The following ASCC3 variants were observed in gnomAD, a reference collection of about 807,000 sequenced individuals.
The protein encoded by ASCC3 is activating signal cointegrator 1 complex subunit 3.
A neutral mutation model predicts 256.3 loss-of-function variants in ASCC3; 158 were observed. That is an observed-to-expected ratio of 0.62 (90% confidence interval 0.54 to 0.70). ASCC3 has a LOEUF of 0.70. ASCC3 is among the 30% of genes least tolerant of loss of function. The pLI, the probability that ASCC3 is intolerant of heterozygous loss-of-function variation, is 0.00. For missense variants in ASCC3, 2,259 were observed against 2,626.0 expected, an observed-to-expected ratio of 0.86 and a Z score of 3.05; for synonymous variants, 948 against 883.4, an observed-to-expected ratio of 1.07 and a Z score of -1.30.
At chr6:100,588,126 C>A (rs1485312745) in intron 36 of ASCC3, among the ~76,000 whole-genome samples, 1 of 152,030 alleles carries the variant, frequency 6.6e-6, no homozygotes, top group Non-Finnish European at 1.5e-5. Context: ...TCACTTTGGA[C>A]AAGATGGTTA....
chr6:100,718,444 TC>T (rs1354060459), intron 11 of ASCC3, among the ~76,000 whole-genome samples, 193 bp from the exon 12 acceptor site: 1 of 151,972 alleles, frequency 6.6e-6, no homozygotes, highest in Non-Finnish European at 1.5e-5. Context: ...ATAGTAGAAT[TC>T]CATACCCACT....
intron 30 of ASCC3, among the ~76,000 whole-genome samples, chr6:100,623,826 C>G (rs1315166347): frequency 6.6e-6 from 1 of 151,990 alleles, no homozygotes; most frequent in Non-Finnish European, 1.5e-5. Context: ...AAGGATCATA[C>G]TAACAAACTG....
intron 8 of ASCC3, among the ~76,000 whole-genome samples, chr6:100,796,857 TAAAACA>T (rs969689891): frequency 6.6e-5 from 10 of 152,190 alleles, no homozygotes; most frequent in Non-Finnish European, 1.3e-4. Context: ...GTGAATAGTT[TAAAACA>T]AAAACAAAAA....
intron 37 of ASCC3, among the ~76,000 whole-genome samples, chr6:100,523,852 A>G (rs1774426645): frequency 6.6e-6 from 1 of 152,184 alleles, no homozygotes; most frequent in Non-Finnish European, 1.5e-5. Context: ...TACATTTCAT[A>G]TTAAGTAAAT....
chr6:100,581,179 CTACTTTACAGTCCCACCAACAGTG>C, intron 36 of ASCC3, among the ~76,000 whole-genome samples: 1 of 152,308 alleles, frequency 6.6e-6, no homozygotes, highest in African/African-American at 2.4e-5. Flanking sequence ...AATGGTTGAA[CTACTTTACAGTCCCACCAACAGTG>C]TAAAAGTGTT....
At chr6:100,751,874 G>A (rs2115095301) in intron 10 of ASCC3, among the ~76,000 whole-genome samples, 1 of 152,142 alleles carries the variant, frequency 6.6e-6, no homozygotes, top group South Asian at 2.1e-4. Flanking sequence ...CTCCCTAAAA[G>A]AGAAGGAAAC....
chr6:100,658,445 G>A (rs1240319742), intron 16 of ASCC3, among the ~76,000 whole-genome samples: 1 of 151,304 alleles, frequency 6.6e-6, no homozygotes, highest in Non-Finnish European at 1.5e-5. Flanking sequence ...GAGTATGCAT[G>A]CGTGTGTATA....
At chr6:100,697,072 T>A (rs903417491) in intron 13 of ASCC3, among the ~76,000 whole-genome samples, 4 of 152,114 alleles carry the variant, frequency 2.6e-5, no homozygotes, top group African/African-American at 9.7e-5. Flanking sequence ...ACATTTTATA[T>A]AACAACTAAG....
intron 14 of ASCC3, among the ~76,000 whole-genome samples, chr6:100,672,791 G>A (rs1776814500): frequency 6.6e-6 from 1 of 151,788 alleles, no homozygotes; most frequent in Non-Finnish European, 1.5e-5. Context: ...ACCTAGAATG[G>A]TTTCTGTTCC....
At chr6:100,633,417 A>G (rs1273949012) in intron 25 of ASCC3, among the ~76,000 whole-genome samples, 1 of 152,134 alleles carries the variant, frequency 6.6e-6, no homozygotes, top group Non-Finnish European at 1.5e-5. Context: ...TGATACTGGC[A>G]ACTCGGATTT....
At chr6:100,767,600 C>T (rs907855785) in intron 8 of ASCC3, among the ~76,000 whole-genome samples, 39 of 78,608 alleles carry the variant, frequency 5.0e-4, no homozygotes, top group African/African-American at 1.8e-3. Flanking sequence ...TTTTAGAACA[C>T]TTTTTGGTTT....
chr6:100,833,564 A>G (rs900493336), intron 4 of ASCC3, among the ~76,000 whole-genome samples: 1 of 152,238 alleles, frequency 6.6e-6, no homozygotes, highest in Admixed American at 6.5e-5. Flanking sequence ...TAGATATACA[A>G]GAACTCTATA....
At position 100,715,597 on chromosome 6, in the gene ASCC3, A is replaced by G; in HGVS notation, c.2080-64T>C. On this transcript the variant is annotated intron_variant, in intron 12 of 41. Transcript: ENST00000369162. ...AATTATAAACTTTCTAACTACAAAT[A>G]AAATTTTGCCAATTACAATGCATTT... 3 of 1,459,598 alleles carry G rather than the reference A, an allele frequency of 2.1e-6. No homozygotes were observed. In the South Asian group the frequency reaches 3.6e-5, roughly 17 times the overall value. 90.4% of individuals were successfully genotyped at this position (1,459,598 alleles called of 1,614,324 possible). A position where few individuals can be genotyped will look rare whatever the true frequency, so the allele number is the denominator to read the frequency against.
chr6:100,752,795 A>C (rs570054863), intron 10 of ASCC3, among the ~76,000 whole-genome samples: 1 of 152,294 alleles, frequency 6.6e-6, no homozygotes, highest in East Asian at 1.9e-4. Flanking sequence ...CTTAATAAAA[A>C]AGTTGTTTCA....
chr6:100,729,085 A>T (rs1368023999), intron 10 of ASCC3, among the ~76,000 whole-genome samples: 4 of 152,194 alleles, frequency 2.6e-5, no homozygotes, highest in Non-Finnish European at 5.9e-5. Context: ...GGCTGATAAT[A>T]CAACTATGGA....
intron 36 of ASCC3, among the ~76,000 whole-genome samples, chr6:100,546,466 T>C (rs962262053): frequency 2.0e-5 from 3 of 152,168 alleles, no homozygotes; most frequent in Non-Finnish European, 2.9e-5. Context: ...TACATTATTT[T>C]TTTTTATAGT....
chr6:100,744,087 T>A (rs1358683670), intron 10 of ASCC3, among the ~76,000 whole-genome samples: 2 of 152,230 alleles, frequency 1.3e-5, no homozygotes, highest in Non-Finnish European at 2.9e-5. Flanking sequence ...TTACCCTGAA[T>A]GTCCTTACTT....
chr6:100,774,082 G>C (rs1782062767), intron 8 of ASCC3, among the ~76,000 whole-genome samples: 1 of 152,104 alleles, frequency 6.6e-6, no homozygotes, highest in South Asian at 2.1e-4. Context: ...ACTAAGTTCT[G>C]TCAATACAAA....
At chr6:100,819,115 T>G (rs1038059031) in intron 4 of ASCC3, among the ~76,000 whole-genome samples, 2 of 144,814 alleles carry the variant, frequency 1.4e-5, no homozygotes, top group South Asian at 2.1e-4. Context: ...AATTGAACAA[T>G]GAGATCACTT....
Sources: gnomAD v4.1 joint callset for allele counts (sites outside exome capture counted in the v4.1 genomes callset) on GRCh38, gnomAD v4.1.1 for gene constraint, MANE v1.5 for transcripts, NCBI Gene and HGNC (gene_info 2026-07-23, HGNC 2026-07-21) for gene names.